Variants in MALRD1 observed in about 807,000 individuals in gnomAD.
The protein encoded by MALRD1 is MAM and LDL-receptor class A domain-containing protein 1.
MALRD1 carries 247 observed loss-of-function variants against 242.1 expected under a neutral mutation model. The observed-to-expected ratio is 1.02, with a 90% CI of 0.92 to 1.13. The LOEUF (loss-of-function observed/expected upper bound fraction) is 1.13. Among genes scored for constraint, MALRD1 ranks in the 50% most tolerant of loss-of-function variants. The probability of loss-of-function intolerance (pLI) is 0.00; values close to 1 mark genes in which losing one functional copy is unlikely to be tolerated. For synonymous variants in MALRD1, 995 were observed against 866.6 expected, an observed-to-expected ratio of 1.15 and a Z score of -2.60; for missense variants, 2,989 against 2,533.1, an observed-to-expected ratio of 1.18 and a Z score of -3.86.
intron 32 of MALRD1, among the ~76,000 whole-genome samples, chr10:19,541,910 A>G (rs1213635613): frequency 6.6e-6 from 1 of 152,238 alleles, no homozygotes; most frequent in Non-Finnish European, 1.5e-5. Flanking sequence ...AAACACTGGT[A>G]TTAAGTTTGC....
chr10:19,256,591 G>T (rs974396602), intron 18 of MALRD1, among the ~76,000 whole-genome samples: 10 of 152,014 alleles, frequency 6.6e-5, no homozygotes, highest in African/African-American at 2.2e-4. Flanking sequence ...CTAGTTCTAT[G>T]CAGAAACATT....
intron 34 of MALRD1, among the ~76,000 whole-genome samples, chr10:19,605,204 G>C (rs145196062): frequency 0.013 from 1,941 of 150,164 alleles, 143 homozygotes; most frequent in Admixed American, 0.11. Context: ...TCCCTGGCTG[G>C]AGTGCAGTGG....
chr10:19,129,438 A>G (rs1475694394), intron 8 of MALRD1, among the ~76,000 whole-genome samples: 1 of 152,126 alleles, frequency 6.6e-6, no homozygotes, highest in Non-Finnish European at 1.5e-5. Flanking sequence ...TGCACCCTCT[A>G]GGAACCAAAA....
Position 19,113,432 on chromosome 10 carries a change from CTTTTCT to C in MALRD1, c.694+9365_694+9370del, listed in dbSNP as rs147907252. 3.5e-3 allele frequency among the ~76,000 whole-genome samples: 534 copies of C among 152,042 alleles called. 4 individuals carry two copies. Among genetic ancestry groups the C allele is most frequent in the African/African-American group, 0.013 (521 of 41,488 alleles). ...TCTGCCCGAAAGCCTCATTCCATGA[CTTTTCT>C]TTTTCTTCTTCTTCTCATTTTTCCT... On this transcript the variant is annotated intron_variant, in intron 5 of 39. Transcript: ENST00000454679.
chr10:19,691,509 T>A (rs1048095085), intron 36 of MALRD1, among the ~76,000 whole-genome samples: 1 of 152,112 alleles, frequency 6.6e-6, no homozygotes, highest in Non-Finnish European at 1.5e-5. Context: ...GGCAGGAAAT[T>A]TGACCAAACC....
chr10:19,269,992 G>A (rs957344020), intron 19 of MALRD1, among the ~76,000 whole-genome samples: 6 of 152,116 alleles, frequency 3.9e-5, no homozygotes, highest in Admixed American at 2.0e-4. Flanking sequence ...CTCTAGTTAA[G>A]TTGAAATCAG....
chr10:19,433,002 T>A (rs999147595), intron 28 of MALRD1, among the ~76,000 whole-genome samples: 1 of 152,210 alleles, frequency 6.6e-6, no homozygotes, highest in Non-Finnish European at 1.5e-5. Context: ...CACACATATA[T>A]GTATATATAG....
At chr10:19,725,054 C>A (rs753422062) in intron 38 of MALRD1, 4 of 152,104 alleles carry the variant, frequency 2.6e-5, no homozygotes, top group Non-Finnish European at 5.9e-5. Flanking sequence ...AATCACAAAG[C>A]ATTATTGAAA....
intron 35 of MALRD1, among the ~76,000 whole-genome samples, chr10:19,610,466 G>A (rs1838844091): frequency 6.6e-6 from 1 of 151,952 alleles, no homozygotes; most frequent in African/African-American, 2.4e-5. Flanking sequence ...TGCAGTCCCT[G>A]TGCCAGGATT....
At chr10:19,074,063 A>G (rs1835242705) in intron 2 of MALRD1, among the ~76,000 whole-genome samples, 1 of 152,158 alleles carries the variant, frequency 6.6e-6, no homozygotes, top group African/African-American at 2.4e-5. Flanking sequence ...TACTATGACT[A>G]GAAATGACTG....
At chr10:19,073,506 C>T (rs991457473) in intron 2 of MALRD1, among the ~76,000 whole-genome samples, 1 of 152,066 alleles carries the variant, frequency 6.6e-6, no homozygotes, top group African/African-American at 2.4e-5. Flanking sequence ...GAAAATTCCA[C>T]ACCTGACGCC....
intron 1 of MALRD1, among the ~76,000 whole-genome samples, chr10:19,054,037 T>A (rs1252591639): frequency 6.6e-6 from 1 of 152,090 alleles, no homozygotes; most frequent in Non-Finnish European, 1.5e-5. Context: ...TTGATGAGAA[T>A]CCCTCTTTTA....
chr10:19,544,915 T>C (rs1326577326), intron 32 of MALRD1, among the ~76,000 whole-genome samples: 1 of 152,202 alleles, frequency 6.6e-6, no homozygotes. Flanking sequence ...TTAATGCCTA[T>C]GCAGTCTACT....
intron 19 of MALRD1, among the ~76,000 whole-genome samples, chr10:19,271,799 C>A (rs112614795): frequency 3.9e-5 from 6 of 152,004 alleles, no homozygotes; most frequent in Non-Finnish European, 8.8e-5. Context: ...AATCACATAA[C>A]AACCTAATGA....
At chr10:19,180,600 C>A (rs993626217) in intron 14 of MALRD1, among the ~76,000 whole-genome samples, 3 of 152,104 alleles carry the variant, frequency 2.0e-5, no homozygotes, top group Non-Finnish European at 4.4e-5. Flanking sequence ...AATTTAAGAC[C>A]TGAAATCATT....
At chr10:19,355,502 C>G (rs1328401714) in intron 26 of MALRD1, among the ~76,000 whole-genome samples, 1 of 146,414 alleles carries the variant, frequency 6.8e-6, no homozygotes, top group African/African-American at 2.6e-5. Flanking sequence ...AGTAGAAAGA[C>G]TCCAAGAAAA....
At chr10:19,431,187 T>C (rs950475693) in intron 28 of MALRD1, among the ~76,000 whole-genome samples, 1 of 152,182 alleles carries the variant, frequency 6.6e-6, no homozygotes, top group Admixed American at 6.5e-5. Flanking sequence ...AAACCAATTT[T>C]TATCCCACTT....
chr10:19,348,791 C>A (rs1352269647), intron 25 of MALRD1, among the ~76,000 whole-genome samples: 1 of 152,100 alleles, frequency 6.6e-6, no homozygotes, highest in African/African-American at 2.4e-5. Context: ...ATTAAGTGTT[C>A]AGAGATCACA....
chr10:19,506,919 A>C (rs1276807830), intron 31 of MALRD1, among the ~76,000 whole-genome samples: 1 of 152,136 alleles, frequency 6.6e-6, no homozygotes, highest in Non-Finnish European at 1.5e-5. Flanking sequence ...TGATAAAGAA[A>C]TTTAGTTGAC....
Sources: gnomAD v4.1 joint callset for allele counts (sites outside exome capture counted in the v4.1 genomes callset) on GRCh38, gnomAD v4.1.1 for gene constraint, MANE v1.5 for transcripts, NCBI Gene and HGNC (gene_info 2026-07-23, HGNC 2026-07-21) for gene names.